ESR1: variants seen among roughly 807,000 people sequenced by gnomAD.
The protein encoded by ESR1 is estrogen receptor.
ESR1 carries 12 observed loss-of-function variants against 52.7 expected under a neutral mutation model. That is an observed-to-expected ratio of 0.23 (90% CI 0.15 to 0.37). The LOEUF (loss-of-function observed/expected upper bound fraction) is 0.37, where lower values mean the gene tolerates loss of function less well. Ranked by LOEUF, ESR1 falls within the 10% of genes least tolerant of loss-of-function variation. ESR1 has a pLI of 1.00. For synonymous variants in ESR1, 305 were observed against 316.8 expected, an observed-to-expected ratio of 0.96 and a Z score of 0.39; for missense variants, 584 against 779.7, an observed-to-expected ratio of 0.75 and a Z score of 2.99.
At chr6:151,669,159 A>AGAGAGAGAGAGAGAGAGAGGGAGCTGG (rs1777944979) in intron 1 of ESR1, among the ~76,000 whole-genome samples, 2 of 123,044 alleles carry the variant, frequency 1.6e-5, no homozygotes, top group Non-Finnish European at 3.7e-5. Flanking sequence ...AGAGAGAGAG[A>AGAGAGAGAGAGAGAGAGAGGGAGCTGG]GAGAGAGAGA....
At chr6:152,080,516 A>G (rs9479210) in intron 6 of ESR1, among the ~76,000 whole-genome samples, 32,060 of 152,072 alleles carry the variant, frequency 0.21, 4,767 homozygotes, top group African/African-American at 0.41. Flanking sequence ...CTAAACATGG[A>G]AAGGAACAAA....
rs977383606 is a variant in ESR1, at chr6:152,100,382, T to G, written c.*1416T>G. On this transcript the variant is annotated 3_prime_UTR_variant, in exon 8 of 8. Coordinates refer to ENST00000206249, the MANE Select transcript of ESR1 (RefSeq NM_000125.4). ...TTAGAGATAATCCAAAATCAGGGTT[T>G]GGTTTGGGGAAGAAAATCCTCCCCC... 55 of 316,340 alleles carry G rather than the reference T, an allele frequency of 1.7e-4. No individual in the cohort carries two copies. The highest frequency in any genetic ancestry group is 9.5e-4 in the African/African-American group (45 of 47,284). 19.6% of individuals were successfully genotyped at this position (316,340 alleles called of 1,614,324 possible).
chr6:151,688,954 G>T (rs1043994069), upstream of ESR1, among the ~76,000 whole-genome samples: 2 of 152,048 alleles, frequency 1.3e-5, no homozygotes, highest in African/African-American at 4.8e-5. Context: ...GAATGCAAAC[G>T]AATATCAATA....
At chr6:151,718,785 G>A (rs372052167) in intron 2 of ESR1, among the ~76,000 whole-genome samples, 32 of 152,254 alleles carry the variant, frequency 2.1e-4, no homozygotes, top group East Asian at 1.2e-3. Flanking sequence ...CTCAGAGTCC[G>A]GTTGGAAGCC....
At chr6:151,867,127 A>C (rs966398338) in intron 2 of ESR1, among the ~76,000 whole-genome samples, 5 of 152,212 alleles carry the variant, frequency 3.3e-5, no homozygotes, top group Non-Finnish European at 5.9e-5. Flanking sequence ...AGATGGATTA[A>C]AGACTTAAAT....
At chr6:151,678,927 C>T (rs1778355191) in intron 1 of ESR1, among the ~76,000 whole-genome samples, 1 of 152,058 alleles carries the variant, frequency 6.6e-6, no homozygotes, top group Non-Finnish European at 1.5e-5. Context: ...CCTTGTGATC[C>T]ACCCGCCTCG....
intron 4 of ESR1, among the ~76,000 whole-genome samples, chr6:152,008,047 CATT>C (rs1051450593): frequency 6.6e-5 from 10 of 152,026 alleles, no homozygotes; most frequent in African/African-American, 2.4e-4. Flanking sequence ...TGGTTTATTA[CATT>C]ATTTTTCTCC....
intron 6 of ESR1, among the ~76,000 whole-genome samples, chr6:152,082,753 A>G (rs2049336989): frequency 6.6e-6 from 1 of 152,246 alleles, no homozygotes; most frequent in Admixed American, 6.5e-5. Context: ...CTGATAAGCA[A>G]CTTCAGCAAA....
At chr6:151,864,708 G>T (rs1467943188) in intron 2 of ESR1, among the ~76,000 whole-genome samples, 1 of 151,994 alleles carries the variant, frequency 6.6e-6, no homozygotes, top group Non-Finnish European at 1.5e-5. Context: ...ACAACAATAG[G>T]CTAGATTAAG....
At chr6:152,114,239 G>A (rs2051180853) in intron 6 of ESR1, among the ~76,000 whole-genome samples, 1 of 152,198 alleles carries the variant, frequency 6.6e-6, no homozygotes. Context: ...TGACTTTCGA[G>A]TCACTGTCCC....
At chr6:151,661,966 C>T (rs183620504) in intron 1 of ESR1, among the ~76,000 whole-genome samples, 439 of 152,294 alleles carry the variant, frequency 2.9e-3, no homozygotes, top group Non-Finnish European at 4.9e-3. Flanking sequence ...TACCAAGTCT[C>T]AGGCACCTAA....
intron 2 of ESR1, 106 bp downstream of exon 2, chr6:151,842,893 A>G (rs775287891): frequency 1.4e-5 from 13 of 933,678 alleles, no homozygotes; most frequent in South Asian, 8.5e-5. Context: ...TGTACAAAAC[A>G]TGAATCCCTA....
intron 2 of ESR1, among the ~76,000 whole-genome samples, chr6:151,794,897 A>T (rs767271433): frequency 6.6e-5 from 10 of 152,178 alleles, no homozygotes; most frequent in Non-Finnish European, 1.2e-4. Flanking sequence ...GCACGCCTTC[A>T]ACAACAGCTC....
intron 1 of ESR1, among the ~76,000 whole-genome samples, chr6:151,672,403 C>T (rs1234352881): frequency 6.6e-6 from 1 of 151,758 alleles, no homozygotes. Flanking sequence ...GTGGCACCAT[C>T]TTGGCTCACT....
chr6:151,772,232 G>A (rs954788385), intron 2 of ESR1, among the ~76,000 whole-genome samples: 5 of 152,186 alleles, frequency 3.3e-5, no homozygotes, highest in Non-Finnish European at 7.3e-5. Context: ...TGAGGTACCT[G>A]TAGGGGTCTC....
intron 2 of ESR1, among the ~76,000 whole-genome samples, chr6:151,746,484 C>G (rs1364256927): frequency 6.6e-6 from 1 of 152,030 alleles, no homozygotes; most frequent in African/African-American, 2.4e-5. Flanking sequence ...AAAGTCAAAC[C>G]TTTTTAATAC....
chr6:151,686,557 G>T (rs907431024), upstream of ESR1, among the ~76,000 whole-genome samples: 5 of 152,264 alleles, frequency 3.3e-5, no homozygotes, highest in South Asian at 1.0e-3. Context: ...GCGTGGCGGC[G>T]GGCACCTGTA....
At chr6:151,853,169 CAAAAAAAAAAAA>C (rs386408969) in intron 2 of ESR1, among the ~76,000 whole-genome samples, 2 of 42,878 alleles carry the variant, frequency 4.7e-5, no homozygotes, top group Non-Finnish European at 3.9e-5. Context: ...AGACTCGTCT[CAAAAAAAAAAAA>C]AAAAAAAAAA....
chr6:151,990,626 G>A (rs1441890258), intron 4 of ESR1, among the ~76,000 whole-genome samples: 1 of 151,512 alleles, frequency 6.6e-6, no homozygotes, highest in Non-Finnish European at 1.5e-5. Flanking sequence ...AGCTGCAGAG[G>A]GGAGGCTGAG....
Sources: gnomAD v4.1 joint callset for allele counts (sites outside exome capture counted in the v4.1 genomes callset) on GRCh38, gnomAD v4.1.1 for gene constraint, MANE v1.5 for transcripts, NCBI Gene and HGNC (gene_info 2026-07-23, HGNC 2026-07-21) for gene names.